The following LIMCH1 variants were observed in gnomAD, a reference collection of about 807,000 sequenced individuals.
The protein encoded by LIMCH1 is LIM and calponin homology domains 1, also known as LIM and calponin homology domains-containing protein 1.
LIMCH1 carries 113 observed loss-of-function variants against 176.5 expected under a neutral mutation model. That is an observed-to-expected ratio of 0.64 (90% confidence interval 0.55 to 0.75). The LOEUF (loss-of-function observed/expected upper bound fraction) is 0.75, where lower values mean the gene tolerates loss of function less well. Among genes scored for constraint, LIMCH1 ranks in the 30% least tolerant of loss-of-function variants. LIMCH1 has a pLI of 0.00. For missense variants in LIMCH1, 1,674 were observed against 1,814.9 expected, an observed-to-expected ratio of 0.92 and a Z score of 1.41; for synonymous variants, 619 against 645.9, an observed-to-expected ratio of 0.96 and a Z score of 0.63.
At position 41,685,845 on chromosome 4, in the gene LIMCH1, A is replaced by C; in HGVS notation, c.4088+15A>C. On this transcript the variant is annotated intron_variant, in intron 28 of 31. Transcript: ENST00000503057. Reference sequence around the variant, plus strand: ...GAAAGGCGGAAGTGAGTAACCAGACACGATGGTTGTGGGATTCCCTTTTTT... The same window carrying C: ...GAAAGGCGGAAGTGAGTAACCAGACCCGATGGTTGTGGGATTCCCTTTTTT... The C allele has an allele frequency of 6.2e-7, 1 of 1,607,478 alleles. No individual in the cohort carries two copies. The highest frequency in any genetic ancestry group is 8.5e-7 in the Non-Finnish European group (1 of 1,177,690).
chr4:41,505,362 C>T (rs2154181281), intron 2 of LIMCH1, among the ~76,000 whole-genome samples: 1 of 152,312 alleles, frequency 6.6e-6, no homozygotes, highest in Non-Finnish European at 1.5e-5. Context: ...CCTTGGGCTG[C>T]CAGCAAGCCA....
chr4:41,397,789 C>T lies in LIMCH1; in HGVS notation c.96+36853C>T, dbSNP rs538397761. Among the ~76,000 whole-genome samples, 6 of 152,220 alleles carry T rather than the reference C, an allele frequency of 3.9e-5. No individual in the cohort carries two copies. The South Asian group carries it at 1.2e-3, about 32-fold the overall frequency. On this transcript the variant is annotated intron_variant, in intron 1 of 26. Coordinates refer to the LIMCH1 transcript ENST00000313860. ...TATGATGGTGACTTTGTCAATTTCT[C>T]CTTACAATCTTATCAGTCTGACATA...
intron 1 of LIMCH1, among the ~76,000 whole-genome samples, chr4:41,578,942 A>G (rs2084949275): frequency 6.6e-6 from 1 of 152,098 alleles, no homozygotes; most frequent in Admixed American, 6.5e-5. Flanking sequence ...GCCTCAAGGG[A>G]TTCTCCTGCC....
At chr4:41,584,151 G>A (rs915273070) in intron 1 of LIMCH1, among the ~76,000 whole-genome samples, 1 of 152,198 alleles carries the variant, frequency 6.6e-6, no homozygotes, top group Non-Finnish European at 1.5e-5. Flanking sequence ...CCCCTAACTA[G>A]TAAATCATTG....
chr4:41,583,304 G>A (rs2085851905), intron 1 of LIMCH1, among the ~76,000 whole-genome samples: 1 of 152,206 alleles, frequency 6.6e-6, no homozygotes, highest in South Asian at 2.1e-4. Context: ...CACACTGGTG[G>A]CTCTCAACAT....
rs968873541 is a variant in LIMCH1, at chr4:41,699,170, A to T, written c.*1985A>T. ...ACAAACATGTACAATATGGTCATTC[A>T]TAACCGATTTTTATAGAATACTTTT... On this transcript the variant is annotated 3_prime_UTR_variant, in exon 32 of 32. Coordinates refer to ENST00000503057, the MANE Select transcript of LIMCH1 (RefSeq NM_001330672.2). 3 of 152,208 alleles carry T rather than the reference A, an allele frequency of 2.0e-5. No homozygotes were observed. The highest frequency in any genetic ancestry group is 4.4e-5 in the Non-Finnish European group (3 of 68,038). 9.4% of individuals were successfully genotyped at this position (152,208 alleles called of 1,614,324 possible).
intron 7 of LIMCH1, among the ~76,000 whole-genome samples, chr4:41,625,102 G>C (rs114552286): frequency 0.012 from 1,779 of 152,288 alleles, 38 homozygotes; most frequent in African/African-American, 0.04. Flanking sequence ...AAGCCAGACA[G>C]CCTGGCCTGC....
chr4:41,380,880 A>G (rs1168956214), intron 1 of LIMCH1, among the ~76,000 whole-genome samples: 3 of 152,218 alleles, frequency 2.0e-5, no homozygotes, highest in Non-Finnish European at 4.4e-5. Flanking sequence ...TTTATGGCAT[A>G]CTATAAAGAG....
intron 1 of LIMCH1, among the ~76,000 whole-genome samples, chr4:41,392,261 G>A (rs947332125): frequency 3.3e-5 from 5 of 152,296 alleles, no homozygotes; most frequent in Middle Eastern, 3.4e-3. Flanking sequence ...TGTATTATCT[G>A]TAAAATAGTA....
chr4:41,574,754 T>C (rs760442780), intron 1 of LIMCH1, among the ~76,000 whole-genome samples: 2 of 152,206 alleles, frequency 1.3e-5, no homozygotes, highest in Non-Finnish European at 2.9e-5. Flanking sequence ...TTTTGCTTTC[T>C]GGAAAACATT....
chr4:41,617,950 AG>A (rs1472036128), intron 5 of LIMCH1, among the ~76,000 whole-genome samples: 1 of 152,206 alleles, frequency 6.6e-6, no homozygotes, highest in Non-Finnish European at 1.5e-5. Flanking sequence ...GCTATGAAGT[AG>A]GGATATTATT....
At chr4:41,653,580 A>C (rs1206259526) in intron 18 of LIMCH1, among the ~76,000 whole-genome samples, 1 of 152,210 alleles carries the variant, frequency 6.6e-6, no homozygotes, top group African/African-American at 2.4e-5. Flanking sequence ...AGCTTCACCC[A>C]CCACTAAAAT....
In LIMCH1 at chr4:41,361,057, T is replaced by C. The variant is rs373811999; in HGVS notation, c.96+121T>C. On this transcript the variant is annotated intron_variant, in intron 1 of 26. Coordinates refer to the LIMCH1 transcript ENST00000313860. The stretch of plus-strand genomic sequence containing the variant: ...ACCGCCCCCACTTTCTTTTGCCAGC[T>C]GCTCCAGGTCACCCCCCCGGGCCTC... 37 of 587,150 alleles carry C rather than the reference T, an allele frequency of 6.3e-5. 1 individual carries two copies. The South Asian group carries it at 8.1e-4, about 13-fold the overall frequency. The allele number at this position is 587,150 out of a possible 1,614,324, so 36.4% of individuals were successfully genotyped here.
intron 2 of LIMCH1, among the ~76,000 whole-genome samples, chr4:41,512,138 A>AT (rs2075004745): frequency 6.6e-6 from 1 of 152,224 alleles, no homozygotes; most frequent in Admixed American, 6.5e-5. Flanking sequence ...ATGACTAGTA[A>AT]GTACATAAAA....
At chr4:41,595,483 A>G (rs1034857791) in intron 1 of LIMCH1, among the ~76,000 whole-genome samples, 3 of 152,258 alleles carry the variant, frequency 2.0e-5, no homozygotes, top group South Asian at 2.1e-4. Flanking sequence ...GGTATGGTAT[A>G]TAACCTCTCT....
intron 1 of LIMCH1, among the ~76,000 whole-genome samples, chr4:41,454,054 C>G (rs939901039): frequency 1.3e-5 from 2 of 152,116 alleles, no homozygotes; most frequent in African/African-American, 4.8e-5. Flanking sequence ...ATCTGGTCCT[C>G]CCCTCCTACT....
intron 1 of LIMCH1, among the ~76,000 whole-genome samples, chr4:41,393,908 C>A (rs139658263): frequency 0.012 from 1,787 of 152,200 alleles, 132 homozygotes; most frequent in Admixed American, 0.11. Flanking sequence ...TAAAATGGAA[C>A]CCTTTCAATT....
At chr4:41,406,048 A>G (rs566919027) in intron 1 of LIMCH1, among the ~76,000 whole-genome samples, 3 of 152,244 alleles carry the variant, frequency 2.0e-5, no homozygotes, top group African/African-American at 7.2e-5. Flanking sequence ...TTCTGAGATG[A>G]AAAAAACACA....
chr4:41,434,055 TAAG>T (rs1256046058), intron 1 of LIMCH1, among the ~76,000 whole-genome samples: 1 of 150,380 alleles, frequency 6.6e-6, no homozygotes, highest in East Asian at 1.9e-4. Context: ...CCAAGTGACA[TAAG>T]AGGACAAAAT....
Sources: gnomAD v4.1 joint callset for allele counts (sites outside exome capture counted in the v4.1 genomes callset) on GRCh38, gnomAD v4.1.1 for gene constraint, MANE v1.5 for transcripts, NCBI Gene and HGNC (gene_info 2026-07-23, HGNC 2026-07-21) for gene names.